Variants in MTX3 observed in about 807,000 individuals in gnomAD.
MTX3 encodes metaxin-3.
MTX3 carries 27 observed loss-of-function variants against 42.5 expected under a neutral mutation model. The observed-to-expected ratio is 0.64, with a 90% CI of 0.47 to 0.88. MTX3 has a LOEUF of 0.88. Among genes scored for constraint, MTX3 ranks in the 40% least tolerant of loss-of-function variants. The pLI is 0.00. For missense variants in MTX3, 378 were observed against 367.0 expected (o/e 1.03, Z -0.25); for synonymous variants, 144 against 132.9 (o/e 1.08, Z -0.57).
chr5:79,986,739 T>C lies in MTX3; in HGVS notation c.739+211A>G, dbSNP rs575961715. 385 of 592,232 alleles carry C rather than the reference T, an allele frequency of 6.5e-4. 3 individuals are homozygous for C. Among genetic ancestry groups the C allele is most frequent in the South Asian group, 4.1e-3 (232 of 56,388 alleles). 36.7% of individuals were successfully genotyped at this position (592,232 alleles called of 1,614,324 possible). ...GAAGAAACGTAAAAATCCAGCGGAA[T>C]AGATAAAAGGCAAATATCTATTTAT... On this transcript the variant is annotated intron_variant, in intron 7 of 8. Transcript: ENST00000512528.
intron 8 of MTX3, 113 bp downstream of exon 8, chr5:79,985,457 AC>A (rs1831468499): frequency 4.2e-6 from 3 of 722,216 alleles, no homozygotes; most frequent in Non-Finnish European, 7.1e-6. Flanking sequence ...TTTCTGAAAA[AC>A]AAACTCTATA....
In MTX3 at chr5:79,980,851, G is replaced by A. The variant is rs1831356496; in HGVS notation, c.*2833C>T. On this transcript the variant is annotated 3_prime_UTR_variant, in exon 9 of 9. Coordinates refer to ENST00000512528, the MANE Select transcript of MTX3 (RefSeq NM_001363818.2). ...AACAGTCTGTTCAGTCTGAAAAAAT[G>A]TTCTGTGCTCTGTTCAGATTGACAA... 1 of 152,118 alleles carries A rather than the reference G, an allele frequency of 6.6e-6. No homozygotes were observed. The highest frequency in any genetic ancestry group is 2.4e-5 in the African/African-American group (1 of 41,422). The allele number at this position is 152,118 out of a possible 1,614,324, so 9.4% of individuals were successfully genotyped here. A position where few individuals can be genotyped will look rare whatever the true frequency, so the allele number is the denominator to read the frequency against.
chr5:79,986,720 A>G, intron 7 of MTX3: 3 of 580,550 alleles, frequency 5.2e-6, no homozygotes, highest in Non-Finnish European at 9.3e-6. Flanking sequence ...AGAAGAAGAA[A>G]CGTAAAAATC....
rs1283248698 is a variant in MTX3, at chr5:79,980,557, T to C, written c.*3127A>G. On this transcript the variant is annotated 3_prime_UTR_variant, in exon 9 of 9. Transcript: ENST00000512528. ...TCAATGTTCTTTACAGCTTCTTTAG[T>C]GTTACTTAAAAAAAAAAAAAAAATC... 1 of 107,670 alleles carries C rather than the reference T, an allele frequency of 9.3e-6. No homozygotes were observed. The highest frequency in any genetic ancestry group is 2.0e-5 in the Non-Finnish European group (1 of 49,562). 6.7% of individuals were successfully genotyped at this position (107,670 alleles called of 1,614,324 possible).
chr5:79,976,737 TGAGA>T lies in MTX3; in HGVS notation c.*6943_*6946del, dbSNP rs1831258660. 6.6e-6 allele frequency: 1 copy of T among 152,614 alleles called. No homozygotes were observed. The highest frequency in any genetic ancestry group is 1.5e-5 in the Non-Finnish European group (1 of 68,036). 9.5% of individuals were successfully genotyped at this position (152,614 alleles called of 1,614,324 possible). ...AGAATTCATAAGCAGTCAGGAGATT[TGAGA>T]TTTTTATTGAGAAAATAGCTATTTT... is the stretch of plus-strand genomic sequence containing the variant. On this transcript the variant is annotated 3_prime_UTR_variant, in exon 9 of 9. Transcript: ENST00000512528.
rs1171574975 is a variant in MTX3, at chr5:79,977,390, G to A, written c.*6294C>T. The A allele has an allele frequency of 6.6e-6, 1 of 152,146 alleles. No individual in the cohort carries two copies. Among genetic ancestry groups the A allele is most frequent in the Admixed American group, 6.6e-5 (1 of 15,266 alleles). 9.4% of individuals were successfully genotyped at this position (152,146 alleles called of 1,614,324 possible). Reference sequence around the variant, plus strand: ...TTCCAAGGATCTGGGATATGTAAACGAAATGATTAAAAGACATTTCTCTGA... The same window carrying A: ...TTCCAAGGATCTGGGATATGTAAACAAAATGATTAAAAGACATTTCTCTGA... On this transcript the variant is annotated 3_prime_UTR_variant, in exon 9 of 9. Coordinates refer to ENST00000512528, the MANE Select transcript of MTX3 (RefSeq NM_001363818.2).
At chr5:79,990,275 T>C in intron 2 of MTX3, 39 bp from the exon 3 acceptor site, 2 of 1,362,600 alleles carry the variant, frequency 1.5e-6, no homozygotes, top group South Asian at 2.6e-5. Flanking sequence ...GGACACAGTG[T>C]GATTTCCTCT....
Position 79,982,191 on chromosome 5 carries a change from CCAAA to C in MTX3, c.*1489_*1492del. 3.4e-6 allele frequency: 1 copy of C among 292,684 alleles called. No homozygotes were observed. Among genetic ancestry groups the C allele is most frequent in the Non-Finnish European group, 6.8e-6 (1 of 147,856 alleles). The allele number at this position is 292,684 out of a possible 1,614,324, so 18.1% of individuals were successfully genotyped here. On this transcript the variant is annotated 3_prime_UTR_variant, in exon 9 of 9. Transcript: ENST00000512528. ...CAACTCATGAGGTACTTTCCCTCAT[CCAAA>C]CAGATGACCAAGATTTTGAAGACTA...
rs1831406565 is a variant in MTX3, at chr5:79,982,998, T to C, written c.*686A>G. 6.5e-6 allele frequency: 1 copy of C among 154,296 alleles called. No individual in the cohort carries two copies. Among genetic ancestry groups the C allele is most frequent in the African/African-American group, 2.4e-5 (1 of 41,464 alleles). The allele number at this position is 154,296 out of a possible 1,614,324, so 9.6% of individuals were successfully genotyped here. On this transcript the variant is annotated 3_prime_UTR_variant, in exon 9 of 9. Coordinates refer to ENST00000512528, the MANE Select transcript of MTX3 (RefSeq NM_001363818.2). ...CCAAGTAAACTAAAAGAACTCTTCC[T>C]AACCTATATCGAACACATCAGCAAA...
chr5:79,988,754 C>T (rs1275328688), intron 4 of MTX3, 110 bp from the exon 5 acceptor site: 2 of 998,008 alleles, frequency 2.0e-6, no homozygotes, highest in Non-Finnish European at 2.9e-6. Flanking sequence ...TGTCTTCATA[C>T]AAATTTTCCA....
Position 79,988,234 on chromosome 5 carries a change from C to A in MTX3, c.581+5G>T. On this transcript the variant is annotated splice_donor_5th_base_variant and intron_variant, in intron 6 of 8. Transcript: ENST00000512528. Reference sequence around the variant, plus strand: ...TACCAAAATGATTTTTAAGGGAATACTCACGTATCTCCAAAGAAAAACTGA... The same window carrying A: ...TACCAAAATGATTTTTAAGGGAATAATCACGTATCTCCAAAGAAAAACTGA... 1 of 1,497,290 alleles carries A rather than the reference C, an allele frequency of 6.7e-7. No individual in the cohort carries two copies. The highest frequency in any genetic ancestry group is 9.1e-7 in the Non-Finnish European group (1 of 1,096,988). 92.8% of individuals were successfully genotyped at this position (1,497,290 alleles called of 1,614,324 possible). A position where few individuals can be genotyped will look rare whatever the true frequency, so the allele number is the denominator to read the frequency against.
Position 79,977,635 on chromosome 5 carries a change from T to C in MTX3, c.*6049A>G, listed in dbSNP as rs180943356. On this transcript the variant is annotated 3_prime_UTR_variant, in exon 9 of 9. Coordinates refer to ENST00000512528, the MANE Select transcript of MTX3 (RefSeq NM_001363818.2). ...AATCTGGTTTTAGACTCTGAAGTGA[T>C]ACCAAACATATTTAGCTAACCCTCT... 2.0e-5 allele frequency: 3 copies of C among 152,342 alleles called. No individual in the cohort carries two copies. Among genetic ancestry groups the C allele is most frequent in the Admixed American group, 1.3e-4 (2 of 15,304 alleles). 9.4% of individuals were successfully genotyped at this position (152,342 alleles called of 1,614,324 possible). A position where few individuals can be genotyped will look rare whatever the true frequency, so the allele number is the denominator to read the frequency against.
chr5:79,985,683 G>A (rs750279956), intron 7 of MTX3, 24 bp from the exon 8 acceptor site: 3 of 1,552,186 alleles, frequency 1.9e-6, no homozygotes, highest in Non-Finnish European at 1.8e-6. Flanking sequence ...ACAGAAATCA[G>A]AGAAAGACAG....
In MTX3 at chr5:79,988,591, C is replaced by A. The variant is rs187349548; in HGVS notation, c.375G>T (p.Trp125Cys). ...SDNYFTVTKPWFASQIPFPLS... is the reference protein window; with the variant it reads ...SDNYFTVTKPCFASQIPFPLS... ...AAGGAAAAGGAATTTGTGAAGCAAA[C>A]CATGGCTTTGTCACAGTAAAGTAAT... The change falls in exon 5 of 9, where the codon TGG becomes TGT. Residue 125 changes from tryptophan to cysteine, a missense_variant. Trp to Cys is a radical substitution (Grantham distance 215). Coordinates refer to ENST00000512528, the MANE Select transcript of MTX3 (RefSeq NM_001363818.2). 2.8e-5 allele frequency: 45 copies of A among 1,604,118 alleles called. No homozygotes were observed. The highest frequency in any genetic ancestry group is 3.7e-5 in the Non-Finnish European group (43 of 1,175,010).
Position 79,991,147 on chromosome 5 carries a change from G to A in MTX3, c.81+11C>T, listed in dbSNP as rs1218503359. On this transcript the variant is annotated intron_variant, in intron 1 of 8. Transcript: ENST00000512528. The stretch of plus-strand genomic sequence containing the variant: ...CTTCCTCCTGCGCCCTGGCCCGCGA[G>A]GCGGCCTCACCATCACCACCAGGGA... The A allele has an allele frequency of 5.8e-6, 9 of 1,545,252 alleles. No homozygotes were observed. Among genetic ancestry groups the A allele is most frequent in the Admixed American group, 2.0e-5 (1 of 50,662 alleles).
At chr5:79,991,010 C>A (rs980087685) in intron 1 of MTX3, 148 bp downstream of exon 1, 2 of 875,842 alleles carry the variant, frequency 2.3e-6, no homozygotes, top group Non-Finnish European at 3.7e-6. Context: ...GGTTGGGACT[C>A]GTCGGTGGGA....
chr5:79,983,501 G>T lies in MTX3; in HGVS notation c.*183C>A. 1.7e-4 allele frequency: 88 copies of T among 528,472 alleles called. No homozygotes were observed. The highest frequency in any genetic ancestry group is 4.2e-4 in the East Asian group (12 of 28,766). 32.7% of individuals were successfully genotyped at this position (528,472 alleles called of 1,614,324 possible). On this transcript the variant is annotated 3_prime_UTR_variant, in exon 9 of 9. Transcript: ENST00000512528. ...TAGCATTCTCTTTGTTATTAAAAAT[G>T]CAGTGCCAAGCTAGAATACAAGCTT...
intron 8 of MTX3, among the ~76,000 whole-genome samples, chr5:79,985,162 T>C (rs951763206): frequency 3.9e-5 from 6 of 152,064 alleles, no homozygotes; most frequent in Non-Finnish European, 8.8e-5. Flanking sequence ...TTTGTATTTT[T>C]AGTAGAGACG....
At position 79,985,012 on chromosome 5, in the gene MTX3, C is replaced by T. The variant is rs115496757; in HGVS notation, c.828+559G>A. ...TTTTGTGTTTTTTCTGATGGAGTCT[C>T]GCTCCGTTGCCCAGGCTGGAGTGCA... On this transcript the variant is annotated intron_variant, in intron 8 of 8. Transcript: ENST00000512528. 4.0e-3 allele frequency among the ~76,000 whole-genome samples: 602 copies of T among 152,016 alleles called. 2 individuals carry two copies. The highest frequency in any genetic ancestry group is 6.4e-3 in the Non-Finnish European group (432 of 67,964).
Sources: allele counts gnomAD v4.1 joint callset (sites outside exome capture counted in the v4.1 genomes callset), GRCh38; gene constraint gnomAD v4.1.1; transcripts MANE v1.5; gene names NCBI Gene and HGNC (gene_info 2026-07-23, HGNC 2026-07-21).